Variants in DTNA observed in about 807,000 individuals in gnomAD.
DTNA encodes the protein dystrophin-related protein 3.
In DTNA, 43 loss-of-function variants were observed where a neutral mutation model predicts 100.7. That is an observed-to-expected ratio of 0.43 (90% CI 0.33 to 0.55). DTNA has a LOEUF of 0.55. DTNA is among the 20% of genes least tolerant of loss of function. The pLI is 0.04. For missense variants in DTNA, 798 were observed against 953.9 expected, an observed-to-expected ratio of 0.84 and a Z score of 2.15; for synonymous variants, 349 against 347.9, an observed-to-expected ratio of 1.00 and a Z score of -0.04.
intron 3 of DTNA, among the ~76,000 whole-genome samples, chr18:34,767,053 G>A (rs1391396651): frequency 6.6e-6 from 1 of 152,032 alleles, no homozygotes; most frequent in African/African-American, 2.4e-5. Flanking sequence ...TTGATTCATA[G>A]TTCATGTGTA....
intron 1 of DTNA, among the ~76,000 whole-genome samples, chr18:34,668,228 A>G (rs2076224702): frequency 6.6e-6 from 1 of 152,206 alleles, no homozygotes; most frequent in Non-Finnish European, 1.5e-5. Flanking sequence ...TGTTTATAGT[A>G]TTCTCTGATG....
intron 1 of DTNA, among the ~76,000 whole-genome samples, chr18:34,494,667 G>C (rs544472559): frequency 4.6e-5 from 7 of 152,084 alleles, no homozygotes; most frequent in Non-Finnish European, 7.4e-5. Flanking sequence ...AGGGGCGCAG[G>C]GGGAGGGGGC....
chr18:34,516,713 C>G (rs933447909), intron 1 of DTNA, among the ~76,000 whole-genome samples: 3 of 152,120 alleles, frequency 2.0e-5, no homozygotes, highest in African/African-American at 7.2e-5. Flanking sequence ...CTGTTCTGTT[C>G]GGCCCCTTAG....
chr18:34,500,809 G>A (rs925399793), intron 1 of DTNA, among the ~76,000 whole-genome samples: 5 of 152,002 alleles, frequency 3.3e-5, no homozygotes, highest in African/African-American at 1.2e-4. Flanking sequence ...TGTTAATGAG[G>A]TACAATGTGA....
At chr18:34,740,878 C>A (rs1038454861) in intron 1 of DTNA, among the ~76,000 whole-genome samples, 4 of 151,894 alleles carry the variant, frequency 2.6e-5, no homozygotes, top group African/African-American at 9.7e-5. Flanking sequence ...GTTCATGTGC[C>A]ACAGTCTTAT....
chr18:34,588,277 A>G (rs1039166088), intron 1 of DTNA, among the ~76,000 whole-genome samples: 2 of 152,178 alleles, frequency 1.3e-5, no homozygotes, highest in Non-Finnish European at 2.9e-5. Flanking sequence ...AAACACTCAG[A>G]CAGATATCCT....
At chr18:34,635,974 C>A (rs1042057624) in intron 1 of DTNA, among the ~76,000 whole-genome samples, 2 of 151,706 alleles carry the variant, frequency 1.3e-5, no homozygotes, top group Non-Finnish European at 2.9e-5. Flanking sequence ...AGTCTTCTTT[C>A]ACTTAAAATG....
chr18:34,851,970 G>T (rs200445103), intron 15 of DTNA, 42 bp downstream of exon 15: 2 of 1,588,922 alleles, frequency 1.3e-6, no homozygotes, highest in African/African-American at 1.3e-5. Context: ...ATCAATGTGC[G>T]CATTCCTTAA....
intron 1 of DTNA, among the ~76,000 whole-genome samples, chr18:34,693,046 A>C (rs985718401): frequency 6.6e-6 from 1 of 152,208 alleles, no homozygotes; most frequent in African/African-American, 2.4e-5. Context: ...AAGAATAATA[A>C]TGTATATTAA....
chr18:34,519,978 A>T (rs1394534296), intron 1 of DTNA, among the ~76,000 whole-genome samples: 1 of 152,166 alleles, frequency 6.6e-6, no homozygotes, highest in Admixed American at 6.5e-5. Context: ...TGTAATGTTT[A>T]CTTGCATAGG....
intron 6 of DTNA, among the ~76,000 whole-genome samples, chr18:34,814,694 A>G (rs1422589793): frequency 6.6e-6 from 1 of 152,062 alleles, no homozygotes; most frequent in Non-Finnish European, 1.5e-5. Context: ...CCTGTCTCTA[A>G]AAGAAAAAAA....
At chr18:34,799,683 T>C (rs1005277277) in intron 4 of DTNA, among the ~76,000 whole-genome samples, 22 of 152,222 alleles carry the variant, frequency 1.4e-4, no homozygotes, top group Non-Finnish European at 2.5e-4. Context: ...AAAAATACTT[T>C]GTTCAAAATT....
chr18:34,848,169 G>C, intron 13 of DTNA, 127 bp from the exon 14 acceptor site: 2 of 811,548 alleles, frequency 2.5e-6, no homozygotes, highest in Non-Finnish European at 4.2e-6. Context: ...TATTCTAACA[G>C]GGTTTTGTGT....
At chr18:34,661,210 A>G (rs2075134572) in intron 1 of DTNA, among the ~76,000 whole-genome samples, 1 of 152,236 alleles carries the variant, frequency 6.6e-6, no homozygotes, top group South Asian at 2.1e-4. Context: ...GATGCTCTCC[A>G]TTAATTAATA....
chr18:34,579,852 C>A (rs1432770053), intron 1 of DTNA, among the ~76,000 whole-genome samples: 3 of 152,070 alleles, frequency 2.0e-5, no homozygotes, highest in Non-Finnish European at 4.4e-5. Context: ...GGGTTGATAT[C>A]TTTTACCAGT....
At chr18:34,700,211 G>T (rs2081177484) in intron 1 of DTNA, among the ~76,000 whole-genome samples, 2 of 152,218 alleles carry the variant, frequency 1.3e-5, no homozygotes, top group South Asian at 4.2e-4. Flanking sequence ...TGATATGGAT[G>T]ACCCAATCAA....
chr18:34,570,846 A>T (rs1322253812), intron 1 of DTNA, among the ~76,000 whole-genome samples: 1 of 152,198 alleles, frequency 6.6e-6, no homozygotes, highest in Non-Finnish European at 1.5e-5. Flanking sequence ...CTACATGGGG[A>T]TACCAGGTTG....
rs577909520 is a variant in DTNA at position 34,832,621 on chromosome 18, A to G, written c.1175+3132A>G. On this transcript the variant is annotated intron_variant, in intron 11 of 22. Transcript: ENST00000444659. ...TGACCTAAGAATTCTTATTTTTTCC[A>G]TGGTACCTGTTTGAGATGGTTGAAC... Among the ~76,000 whole-genome samples, 5 of 152,268 alleles carry G rather than the reference A, an allele frequency of 3.3e-5. No individual in the cohort carries two copies. In the South Asian group the frequency reaches 1.0e-3, roughly 32 times the overall value.
intron 1 of DTNA, among the ~76,000 whole-genome samples, chr18:34,556,532 T>C (rs367556006): frequency 1.3e-5 from 2 of 152,178 alleles, no homozygotes; most frequent in South Asian, 2.1e-4. Flanking sequence ...CCATGTTTAG[T>C]GCTTCCTTCA....
Sources: gnomAD v4.1 joint callset for allele counts (sites outside exome capture counted in the v4.1 genomes callset) on GRCh38, gnomAD v4.1.1 for gene constraint, MANE v1.5 for transcripts, NCBI Gene and HGNC (gene_info 2026-07-23, HGNC 2026-07-21) for gene names.